The following FLYWCH1 variants were observed in gnomAD, a reference collection of about 807,000 sequenced individuals.
FLYWCH1 encodes the protein FLYWCH-type zinc finger 1, also known as FLYWCH-type zinc finger-containing protein 1.
In FLYWCH1, 75 loss-of-function variants were observed where a neutral mutation model predicts 66.4. The observed-to-expected ratio is 1.13, with a 90% CI of 0.94 to 1.37. The LOEUF is 1.37. FLYWCH1 is among the 40% of genes most tolerant of loss of function. The probability of loss-of-function intolerance (pLI) is 0.00; values close to 1 mark genes in which losing one functional copy is unlikely to be tolerated. For missense variants in FLYWCH1, 1,334 were observed against 1,001.8 expected (o/e 1.33, Z -4.48); for synonymous variants, 595 against 429.9 (o/e 1.38, Z -4.75).
chr16:2,916,311 G>A (rs1314042369), intron 2 of FLYWCH1, among the ~76,000 whole-genome samples: 2 of 152,174 alleles, frequency 1.3e-5, no homozygotes, highest in Non-Finnish European at 2.9e-5. Flanking sequence ...CTGTACTCCA[G>A]CCTGGGCAAC....
In FLYWCH1 at chr16:2,933,831, G is replaced by A. The variant is rs776554690; in HGVS notation, c.1365G>A (p.Gln455=). 1 of 1,606,220 alleles carries A rather than the reference G, an allele frequency of 6.2e-7. No individual in the cohort carries two copies. The highest frequency in any genetic ancestry group is 8.5e-7 in the Non-Finnish European group (1 of 1,177,038). Residue 455 remains glutamine (Q), a synonymous_variant, in exon 6 of 10, where the codon CAG becomes CAA. Coordinates refer to ENST00000253928, the MANE Select transcript of FLYWCH1 (RefSeq NM_001308068.2). Reference sequence around the variant, plus strand: ...AGGTGTATTGGACCTGCCGGGACCAGGCCCGCATGGGCTGCCGCAGCCGCG... The same window carrying A: ...AGGTGTATTGGACCTGCCGGGACCAAGCCCGCATGGGCTGCCGCAGCCGCG... ...GEKVYWTCRD[Q]ARMGCRSRAI... is the part of the protein sequence containing the mutation.
At chr16:2,925,560 G>A (rs1270574029) in intron 2 of FLYWCH1, among the ~76,000 whole-genome samples, 1 of 144,334 alleles carries the variant, frequency 6.9e-6, no homozygotes, top group African/African-American at 2.6e-5. Context: ...GCGCGCGCGG[G>A]GTAGGGGGAG....
At chr16:2,932,983 G>A (rs761631123) in intron 4 of FLYWCH1, 147 bp from the exon 5 acceptor site, 12 of 685,318 alleles carry the variant, frequency 1.8e-5, no homozygotes, top group Admixed American at 2.9e-5. Flanking sequence ...TGGGTTTGGG[G>A]CCTCTGACAT....
At chr16:2,934,670 G>A (rs1482622473) in intron 6 of FLYWCH1, 2 of 456,920 alleles carry the variant, frequency 4.4e-6, no homozygotes, top group South Asian at 3.1e-5. Context: ...TGGGTCATGT[G>A]AGTTGCCTCA....
intron 9 of FLYWCH1, among the ~76,000 whole-genome samples, chr16:2,944,639 A>G (rs1193995112): frequency 6.6e-6 from 1 of 151,516 alleles, no homozygotes; most frequent in Non-Finnish European, 1.5e-5. Context: ...CTTGGGAAAC[A>G]TGGTGAAACC....
At chr16:2,936,849 A>G in intron 6 of FLYWCH1, 1 of 629,254 alleles carries the variant, frequency 1.6e-6, no homozygotes, top group Non-Finnish European at 3.0e-6. Context: ...GTGACGCAGC[A>G]GACACTGCCT....
chr16:2,931,732 G>C (rs1021512825), intron 4 of FLYWCH1, among the ~76,000 whole-genome samples: 2 of 151,696 alleles, frequency 1.3e-5, no homozygotes, highest in African/African-American at 4.8e-5. Context: ...CACTTTCGGA[G>C]GCTGAGGTGG....
intron 6 of FLYWCH1, chr16:2,934,937 T>TC (rs1555486389): frequency 1.2e-5 from 2 of 170,388 alleles, no homozygotes; most frequent in South Asian, 1.1e-4. Context: ...TTTTTTTTTT[T>TC]CTTTGAGACG....
rs2077734768 is a variant in FLYWCH1, at chr16:2,933,180, CT to C, written c.848del (p.Leu283ArgfsTer41). The C allele has an allele frequency of 6.2e-7, 1 of 1,613,676 alleles. No homozygotes were observed. The highest frequency in any genetic ancestry group is 1.3e-5 in the African/African-American group (1 of 74,866). The stretch of plus-strand genomic sequence containing the variant: ...GAGGACGTGCTACGGGGGCAGCTTC[CT>C]GGTACACGAGTCGTTCCTCTACAAG... ...FLRTCYGGSF[L>X]VHESFLYKRE... On this transcript the variant is annotated frameshift_variant, in exon 5 of 10. Coordinates refer to ENST00000253928, the MANE Select transcript of FLYWCH1 (RefSeq NM_001308068.2). LOFTEE classifies it high-confidence loss of function.
At position 2,930,703 on chromosome 16, in the gene FLYWCH1, G is replaced by A; in HGVS notation, c.619G>A (p.Gly207Ser). 6.5e-7 allele frequency: 1 copy of A among 1,544,274 alleles called. No homozygotes were observed. Among genetic ancestry groups the A allele is most frequent in the Non-Finnish European group, 8.7e-7 (1 of 1,147,956 alleles). ...EGLGEPQGPE[G>S]PGGRVEEPLE... ...CTTGGGAGAGCCCCAGGGTCCTGAG[G>A]GCCCTGGAGGCCGAGTGGAGGAGCC... The change falls in exon 4 of 10, where the codon GGC becomes AGC. Residue 207 changes from glycine to serine, a missense_variant. By Grantham distance (56) the Gly-to-Ser change is moderately conservative (BLOSUM62 0). Coordinates refer to ENST00000253928, the MANE Select transcript of FLYWCH1 (RefSeq NM_001308068.2).
chr16:2,943,083 T>C (rs2071339364), intron 9 of FLYWCH1, among the ~76,000 whole-genome samples: 1 of 152,180 alleles, frequency 6.6e-6, no homozygotes, highest in African/African-American at 2.4e-5. Context: ...CTCTTTTCTA[T>C]ACAAATCATG....
chr16:2,924,138 G>A (rs2070473728), intron 2 of FLYWCH1, among the ~76,000 whole-genome samples: 1 of 152,088 alleles, frequency 6.6e-6, no homozygotes, highest in South Asian at 2.1e-4. Context: ...AGACCATCCT[G>A]GCTAACACGG....
chr16:2,931,002 G>C (rs2070743719), intron 4 of FLYWCH1, 122 bp downstream of exon 4: 1 of 798,096 alleles, frequency 1.3e-6, no homozygotes. Flanking sequence ...AAGCTAAAAT[G>C]ACTTTTAAAA....
At chr16:2,942,011 A>C (rs920806633) in intron 9 of FLYWCH1, among the ~76,000 whole-genome samples, 6 of 150,860 alleles carry the variant, frequency 4.0e-5, no homozygotes, top group African/African-American at 4.9e-5. Flanking sequence ...AAAAAAAAAA[A>C]AAAAAAAAAA....
intron 6 of FLYWCH1, chr16:2,936,454 C>T (rs755086303): frequency 1.1e-5 from 5 of 446,796 alleles, no homozygotes; most frequent in South Asian, 8.0e-5. Flanking sequence ...ACCCTCCCGC[C>T]CCCCGCTGGC....
At chr16:2,930,940 C>G in intron 4 of FLYWCH1, 60 bp downstream of exon 4, 1 of 1,317,452 alleles carries the variant, frequency 7.6e-7, no homozygotes. Flanking sequence ...AGGGCCCTTC[C>G]TCAGCCCAAA....
In FLYWCH1 at chr16:2,930,802, G is replaced by T. The variant is rs2070736081; in HGVS notation, c.718G>T (p.Ala240Ser). The change falls in exon 4 of 10, where the codon GCC (alanine) becomes TCC (serine). Residue 240 changes from alanine (A) to serine (S), a missense_variant. Physicochemically the swap from Ala to Ser is moderately conservative, Grantham distance 99. Coordinates refer to ENST00000253928, the MANE Select transcript of FLYWCH1 (RefSeq NM_001308068.2). ...TCCTGGGCTGGTGCTGAGCAAGCCG[G>T]CCCTGGAGGAGGAGGAGGCACCCCG... is the stretch of plus-strand genomic sequence containing the variant. ...PTPGLVLSKP[A>S]LEEEEAPRAL... 1 of 1,600,976 alleles carries T rather than the reference G, an allele frequency of 6.2e-7. No homozygotes were observed.
chr16:2,931,004 CTT>C (rs2070743849), intron 4 of FLYWCH1, 124 bp downstream of exon 4: 1 of 791,002 alleles, frequency 1.3e-6, no homozygotes, highest in Non-Finnish European at 1.9e-6. Flanking sequence ...GCTAAAATGA[CTT>C]TTAAAAATAT....
At chr16:2,916,136 C>T (rs2070159436) in intron 2 of FLYWCH1, among the ~76,000 whole-genome samples, 1 of 152,010 alleles carries the variant, frequency 6.6e-6, no homozygotes, top group Non-Finnish European at 1.5e-5. Flanking sequence ...CACTTGAGGT[C>T]AGAAGTTCGA....
Sources: allele counts gnomAD v4.1 joint callset (sites outside exome capture counted in the v4.1 genomes callset), GRCh38; gene constraint gnomAD v4.1.1; transcripts MANE v1.5; gene names NCBI Gene and HGNC (gene_info 2026-07-23, HGNC 2026-07-21).